The following PCSK6 variants were observed in gnomAD, a reference collection of about 807,000 sequenced individuals.
PCSK6 encodes the protein proprotein convertase subtilisin/kexin type 6.
Under a neutral mutation model 123.3 loss-of-function variants are expected in PCSK6, and 85 were observed. The ratio of observed to expected loss-of-function variants is 0.69; its 90% CI spans 0.58 to 0.83. PCSK6 has a LOEUF of 0.83. Among genes scored for constraint, PCSK6 ranks in the 40% least tolerant of loss-of-function variants. The pLI, the probability that PCSK6 is intolerant of heterozygous loss-of-function variation, is 0.00. For missense variants in PCSK6, 1,191 were observed against 1,282.3 expected (o/e 0.93, Z 1.09); for synonymous variants, 508 against 516.0 (o/e 0.98, Z 0.21).
At chr15:101,435,680 C>T (rs2056578560) in intron 2 of PCSK6, among the ~76,000 whole-genome samples, 1 of 152,212 alleles carries the variant, frequency 6.6e-6, no homozygotes. Context: ...GACAGGTGCG[C>T]AGCAACACTT....
chr15:101,376,890 G>C (rs1332582937), intron 11 of PCSK6, among the ~76,000 whole-genome samples: 1 of 152,148 alleles, frequency 6.6e-6, no homozygotes, highest in South Asian at 2.1e-4. Flanking sequence ...AGCCCAAGAG[G>C]AGAAACCAGA....
chr15:101,394,405 G>C (rs2042339796), intron 7 of PCSK6, among the ~76,000 whole-genome samples: 1 of 152,166 alleles, frequency 6.6e-6, no homozygotes, highest in South Asian at 2.1e-4. Flanking sequence ...TGACCACACT[G>C]AGAATCATTC....
At chr15:101,462,068 T>C (rs2057352295) in intron 1 of PCSK6, among the ~76,000 whole-genome samples, 2 of 152,214 alleles carry the variant, frequency 1.3e-5, no homozygotes, top group African/African-American at 2.4e-5. Context: ...TAGATAACCA[T>C]ATCAAATCTA....
At chr15:101,310,020 G>A (rs1391564287) in intron 20 of PCSK6, among the ~76,000 whole-genome samples, 2 of 152,212 alleles carry the variant, frequency 1.3e-5, no homozygotes, top group Non-Finnish European at 1.5e-5. Flanking sequence ...ATGCTCCCTC[G>A]GAGCTGCCTG....
chr15:101,335,118 C>G (rs985090707), intron 13 of PCSK6, among the ~76,000 whole-genome samples: 1 of 152,170 alleles, frequency 6.6e-6, no homozygotes, highest in African/African-American at 2.4e-5. Context: ...CACCACCACG[C>G]CCGGCTACTT....
At chr15:101,366,841 A>G (rs556340816) in intron 12 of PCSK6, among the ~76,000 whole-genome samples, 1 of 152,306 alleles carries the variant, frequency 6.6e-6, no homozygotes, top group East Asian at 1.9e-4. Context: ...CAAGAATGAA[A>G]CTTCCATGTT....
At chr15:101,386,293 A>C (rs1340023406) in intron 9 of PCSK6, among the ~76,000 whole-genome samples, 1 of 152,140 alleles carries the variant, frequency 6.6e-6, no homozygotes, top group Non-Finnish European at 1.5e-5. Flanking sequence ...CGGCCTCCCC[A>C]GTGGCACCTG....
chr15:101,461,335 A>G lies in PCSK6; in HGVS notation c.298-17675T>C, dbSNP rs115470888. ...CTAAAAAACAAATACAGGACTTGTC[A>G]AACTTTCCACTAAAGAAACTGAAAC... On this transcript the variant is annotated intron_variant, in intron 1 of 21. Transcript: ENST00000611716. 4.7e-3 allele frequency among the ~76,000 whole-genome samples: 714 copies of G among 152,340 alleles called. 8 individuals are homozygous for G. Among genetic ancestry groups the G allele is most frequent in the African/African-American group, 0.016 (646 of 41,580 alleles).
intron 19 of PCSK6, chr15:101,313,723 C>G: frequency 1.7e-6 from 1 of 584,122 alleles, no homozygotes. Context: ...GACATCGAGG[C>G]ATGAGATGAT....
intron 12 of PCSK6, among the ~76,000 whole-genome samples, chr15:101,367,582 C>A (rs908769038): frequency 1.3e-5 from 2 of 152,210 alleles, no homozygotes; most frequent in Non-Finnish European, 2.9e-5. Context: ...ACCCAACACA[C>A]TGGGGACAGA....
At chr15:101,412,624 A>C (rs1466784617) in intron 6 of PCSK6, among the ~76,000 whole-genome samples, 1 of 150,596 alleles carries the variant, frequency 6.6e-6, no homozygotes, top group Admixed American at 6.6e-5. Flanking sequence ...AAATACAATA[A>C]TCAAAAAGCT....
intron 6 of PCSK6, among the ~76,000 whole-genome samples, chr15:101,407,892 T>C (rs2042826409): frequency 6.6e-6 from 1 of 152,252 alleles, no homozygotes; most frequent in South Asian, 2.1e-4. Context: ...TGTACATATT[T>C]AAACAGGTCT....
chr15:101,474,428 G>A (rs1174842329), intron 1 of PCSK6, among the ~76,000 whole-genome samples: 3 of 152,184 alleles, frequency 2.0e-5, no homozygotes, highest in African/African-American at 7.2e-5. Flanking sequence ...TGATCACTGG[G>A]GTGCGCAGCC....
intron 1 of PCSK6, among the ~76,000 whole-genome samples, chr15:101,471,221 G>C (rs1046335730): frequency 1.3e-5 from 2 of 152,180 alleles, no homozygotes; most frequent in African/African-American, 4.8e-5. Context: ...CCTGAACCCA[G>C]ATTCCAGGAG....
chr15:101,447,775 C>T (rs1336740527), intron 1 of PCSK6, among the ~76,000 whole-genome samples: 1 of 152,266 alleles, frequency 6.6e-6, no homozygotes, highest in African/African-American at 2.4e-5. Flanking sequence ...ACGGTGTCCA[C>T]ACCAGGCGCT....
intron 4 of PCSK6, 75 bp downstream of exon 4, chr15:101,431,245 G>C: frequency 6.6e-7 from 1 of 1,516,794 alleles, no homozygotes; most frequent in South Asian, 1.2e-5. Flanking sequence ...GGACCTTACT[G>C]TTTTTAAACT....
At chr15:101,331,106 T>C (rs1005592621) in intron 15 of PCSK6, among the ~76,000 whole-genome samples, 1 of 152,228 alleles carries the variant, frequency 6.6e-6, no homozygotes, top group African/African-American at 2.4e-5. Context: ...GCTTCTAGTC[T>C]AACAAACGAA....
In PCSK6 at chr15:101,398,789, G is replaced by A. The variant is rs62018986; in HGVS notation, c.824-213C>T. ...AGGGCAACAAAAGAAAGCAAGCTACGTCCCAAAGAGAGGGTTCAGCTTCCC... is the reference window on the plus strand; with the variant it reads ...AGGGCAACAAAAGAAAGCAAGCTACATCCCAAAGAGAGGGTTCAGCTTCCC... On this transcript the variant is annotated intron_variant, in intron 6 of 21. Coordinates refer to ENST00000611716, the MANE Select transcript of PCSK6 (RefSeq NM_002570.5). The surrounding 1 kb of genome is among the most constrained non-coding windows in gnomAD (Gnocchi z 4.6). Among the ~76,000 whole-genome samples the A allele has an allele frequency of 0.36, 54,995 of 152,128 alleles. 10,440 individuals carry two copies. Among genetic ancestry groups the A allele is most frequent in the Non-Finnish European group, 0.43 (29,482 of 67,988 alleles).
At chr15:101,418,915 C>T (rs1377190319) in intron 6 of PCSK6, among the ~76,000 whole-genome samples, 1 of 152,166 alleles carries the variant, frequency 6.6e-6, no homozygotes, top group Non-Finnish European at 1.5e-5. Context: ...AAATATTCAA[C>T]ATCCATTCCT....
Sources: gnomAD v4.1 joint callset for allele counts (sites outside exome capture counted in the v4.1 genomes callset) on GRCh38, gnomAD v4.1.1 for gene constraint, Gnocchi (gnomAD v3.1) non-coding constraint, MANE v1.5 for transcripts, NCBI Gene and HGNC (gene_info 2026-07-23, HGNC 2026-07-21) for gene names.